Variants in WDR35 observed in about 807,000 individuals in gnomAD.
The protein encoded by WDR35 is WD repeat-containing protein 35.
A neutral mutation model predicts 158.3 loss-of-function variants in WDR35; 118 were observed. That is an observed-to-expected ratio of 0.75 (90% confidence interval 0.64 to 0.87). The LOEUF (loss-of-function observed/expected upper bound fraction) is 0.87, where lower values mean the gene tolerates loss of function less well. Ranked by LOEUF, WDR35 falls within the 40% of genes least tolerant of loss-of-function variation. The pLI is 0.00. For synonymous variants in WDR35, 448 were observed against 476.1 expected, an observed-to-expected ratio of 0.94 and a Z score of 0.77; for missense variants, 1,263 against 1,405.8, an observed-to-expected ratio of 0.90 and a Z score of 1.62.
chr2:19,920,766 A>G (rs1041357312), intron 25 of WDR35, among the ~76,000 whole-genome samples: 3 of 152,210 alleles, frequency 2.0e-5, no homozygotes, highest in Non-Finnish European at 4.4e-5. Flanking sequence ...AGGATATTCA[A>G]TTAGGAAAAG....
intron 17 of WDR35, among the ~76,000 whole-genome samples, chr2:19,941,550 T>C (rs1670877634): frequency 6.6e-6 from 1 of 152,220 alleles, no homozygotes; most frequent in Non-Finnish European, 1.5e-5. Flanking sequence ...CTGAGACTTA[T>C]ACATTTTTAT....
chr2:19,913,449 G>C lies in WDR35; in HGVS notation c.*109C>G. On this transcript the variant is annotated 3_prime_UTR_variant, in exon 27 of 27. Coordinates refer to ENST00000281405, the MANE Select transcript of WDR35 (RefSeq NM_020779.4). ...GCAAAAATTCAACTATAAATAATGA[G>C]GCTGATTTTCATACAAAACTCACAG... is the stretch of plus-strand genomic sequence containing the variant. The C allele has an allele frequency of 7.1e-7, 1 of 1,402,800 alleles. No homozygotes were observed. The highest frequency in any genetic ancestry group is 1.3e-5 in the South Asian group (1 of 75,960). The allele number at this position is 1,402,800 out of a possible 1,614,324, so 86.9% of individuals were successfully genotyped here.
At position 19,974,557 on chromosome 2, in the gene WDR35, G is replaced by C; in HGVS notation, c.647C>G (p.Thr216Arg). ...SIAGIHWYHG[T>R]EGYVEPDCPC... The stretch of plus-strand genomic sequence containing the variant: ...GCAATCAGGCTCCACGTAGCCTTCT[G>C]TGCCATGGTACCAATGAATTCCAGC... The change falls in exon 7 of 27, where the codon ACA becomes AGA. Residue 216 changes from threonine to arginine, a missense_variant. Physicochemically the swap from Thr to Arg is moderately conservative, Grantham distance 71 (BLOSUM62 -1). Coordinates refer to ENST00000281405, the MANE Select transcript of WDR35 (RefSeq NM_020779.4). 1 of 1,613,502 alleles carries C rather than the reference G, an allele frequency of 6.2e-7. No individual in the cohort carries two copies. Among genetic ancestry groups the C allele is most frequent in the South Asian group, 1.1e-5 (1 of 90,912 alleles).
chr2:19,923,954 G>C (rs1205091713), intron 25 of WDR35, among the ~76,000 whole-genome samples: 1 of 152,178 alleles, frequency 6.6e-6, no homozygotes, highest in East Asian at 1.9e-4. Flanking sequence ...ACTCAGGCTT[G>C]TCTAACTCCT....
chr2:19,973,356 T>A (rs1032683200), intron 8 of WDR35, among the ~76,000 whole-genome samples: 1 of 152,224 alleles, frequency 6.6e-6, no homozygotes, highest in Non-Finnish European at 1.5e-5. Context: ...TCTGAATGTA[T>A]AAAATTGTAA....
intron 16 of WDR35, among the ~76,000 whole-genome samples, chr2:19,945,208 C>A (rs533410089): frequency 6.6e-6 from 1 of 152,040 alleles, no homozygotes; most frequent in East Asian, 1.9e-4. Context: ...CAAAATGTAA[C>A]CTTAAAAATG....
chr2:19,980,399 G>GAA (rs368681850), intron 4 of WDR35, among the ~76,000 whole-genome samples: 5 of 143,296 alleles, frequency 3.5e-5, no homozygotes, highest in Middle Eastern at 3.5e-3. Context: ...TGGAAATCTG[G>GAA]AAAAAAAAAA....
chr2:19,933,856 G>A (rs1170934182), intron 21 of WDR35, among the ~76,000 whole-genome samples: 1 of 152,118 alleles, frequency 6.6e-6, no homozygotes, highest in East Asian at 1.9e-4. Flanking sequence ...ATATCAATTG[G>A]TGGTATACTC....
chr2:19,923,009 T>C (rs988384166), intron 25 of WDR35, among the ~76,000 whole-genome samples: 5 of 152,206 alleles, frequency 3.3e-5, no homozygotes, highest in Non-Finnish European at 7.3e-5. Context: ...GCCAGACCCA[T>C]CCCTTTATTT....
intron 7 of WDR35, among the ~76,000 whole-genome samples, 196 bp from the exon 8 acceptor site, chr2:19,973,904 T>C (rs1223201096): frequency 6.6e-6 from 1 of 150,722 alleles, no homozygotes; most frequent in Non-Finnish European, 1.5e-5. Flanking sequence ...GTCCAGGAGT[T>C]CAAGATCGGC....
At chr2:19,962,302 C>T in intron 10 of WDR35, 2 of 1,613,094 alleles carry the variant, frequency 1.2e-6, no homozygotes, top group East Asian at 2.2e-5. Flanking sequence ...TACCGTTGCA[C>T]CAAATGTCTC....
At chr2:19,959,761 G>A (rs747824977) in intron 11 of WDR35, among the ~76,000 whole-genome samples, 1 of 151,858 alleles carries the variant, frequency 6.6e-6, no homozygotes, top group African/African-American at 2.4e-5. Flanking sequence ...AAAAAAAAAT[G>A]ACTAGTTCTC....
Position 19,914,231 on chromosome 2 carries a change from G to A in WDR35, c.3168C>T (p.Ile1056=), listed in dbSNP as rs1489841348. 6.2e-7 allele frequency: 1 copy of A among 1,614,080 alleles called. No individual in the cohort carries two copies. Among genetic ancestry groups the A allele is most frequent in the Non-Finnish European group, 8.5e-7 (1 of 1,180,020 alleles). ...DYEDIIPPVE[I]YSLLALCACA... ...ATGCGCAGAGTGCTAGCAGAGAGTAGATCTCCACAGGAGGGATGATGTCTT... is the reference window on the plus strand; with the variant it reads ...ATGCGCAGAGTGCTAGCAGAGAGTAAATCTCCACAGGAGGGATGATGTCTT... The change falls in exon 26 of 27, where the codon ATC becomes ATT. Residue 1056 remains isoleucine (I), a synonymous_variant. Transcript: ENST00000281405.
Position 19,990,035 on chromosome 2 carries a change from T to A in WDR35, c.-20A>T. ...GAACATCGTGGGATCCCCGAGAGGG[T>A]CACGGCGGCCGCTAAGGCCCTCGAC... is the stretch of plus-strand genomic sequence containing the variant. On this transcript the variant is annotated 5_prime_UTR_variant, in exon 1 of 27. Coordinates refer to ENST00000281405, the MANE Select transcript of WDR35 (RefSeq NM_020779.4). 1 of 1,613,376 alleles carries A rather than the reference T, an allele frequency of 6.2e-7. No individual in the cohort carries two copies. The highest frequency in any genetic ancestry group is 1.1e-5 in the South Asian group (1 of 90,908).
In WDR35 at chr2:19,911,241, C is replaced by CA. The variant is rs769599296; in HGVS notation, c.*2316dup. 2 of 152,174 alleles carry CA rather than the reference C, an allele frequency of 1.3e-5. No individual in the cohort carries two copies. The highest frequency in any genetic ancestry group is 2.9e-5 in the Non-Finnish European group (2 of 68,042). 9.4% of individuals were successfully genotyped at this position (152,174 alleles called of 1,614,324 possible). A position where few individuals can be genotyped will look rare whatever the true frequency, so the allele number is the denominator to read the frequency against. On this transcript the variant is annotated 3_prime_UTR_variant, in exon 27 of 27. Transcript: ENST00000281405. Reference sequence around the variant, plus strand: ...GCAAATGAAAGTGCAACCAACAAATCACAGTAAGGGGCTAGAGGCATGACA... The same window carrying CA: ...GCAAATGAAAGTGCAACCAACAAATCAACAGTAAGGGGCTAGAGGCATGACA...
chr2:19,919,380 CA>C (rs1302042752), intron 25 of WDR35, among the ~76,000 whole-genome samples: 10,949 of 48,036 alleles, frequency 0.23, 318 homozygotes, highest in African/African-American at 0.36. Flanking sequence ...GGCTCCATCT[CA>C]AAAAAAAAAA....
chr2:19,924,862 C>G (rs539312869), intron 25 of WDR35, among the ~76,000 whole-genome samples: 21 of 152,290 alleles, frequency 1.4e-4, no homozygotes. Context: ...ATCAGCAAGT[C>G]AGGCCACCAG....
intron 11 of WDR35, among the ~76,000 whole-genome samples, chr2:19,956,831 G>A (rs1671458021): frequency 6.6e-6 from 1 of 152,026 alleles, no homozygotes; most frequent in Non-Finnish European, 1.5e-5. Flanking sequence ...GTGTTAGCCA[G>A]GATGGTCTCG....
intron 3 of WDR35, 29 bp from the exon 4 acceptor site, chr2:19,980,812 T>C: frequency 6.3e-7 from 1 of 1,589,606 alleles, no homozygotes; most frequent in Non-Finnish European, 8.6e-7. Context: ...ATTTAGAAAC[T>C]TAAAGGTTAC....
Sources: gnomAD v4.1 joint callset for allele counts (sites outside exome capture counted in the v4.1 genomes callset) on GRCh38, gnomAD v4.1.1 for gene constraint, MANE v1.5 for transcripts, NCBI Gene and HGNC (gene_info 2026-07-23, HGNC 2026-07-21) for gene names.